The following DNAJA1 variants were observed in gnomAD, a reference collection of about 807,000 sequenced individuals.
The protein encoded by DNAJA1 is dnaJ homolog subfamily A member 1.
DNAJA1 carries 26 observed loss-of-function variants against 47.6 expected under a neutral mutation model. The ratio of observed to expected loss-of-function variants is 0.55; its 90% CI spans 0.40 to 0.76. DNAJA1 has a LOEUF of 0.76. Among genes scored for constraint, DNAJA1 ranks in the 30% least tolerant of loss-of-function variants. The pLI is 0.00. For synonymous variants in DNAJA1, 165 were observed against 158.4 expected (o/e 1.04, Z -0.31); for missense variants, 315 against 485.0 (o/e 0.65, Z 3.29).
At chr9:33,028,119 C>G (rs943623775) in intron 3 of DNAJA1, among the ~76,000 whole-genome samples, 2 of 151,884 alleles carry the variant, frequency 1.3e-5, no homozygotes, top group African/African-American at 4.8e-5. Flanking sequence ...CCCTCACTCC[C>G]CAAAGGAATT....
chr9:33,029,060 A>G (rs1838919884), intron 3 of DNAJA1, among the ~76,000 whole-genome samples: 1 of 152,202 alleles, frequency 6.6e-6, no homozygotes, highest in Non-Finnish European at 1.5e-5. Flanking sequence ...TCCTTATGAG[A>G]TCTTGACCTT....
rs1421150238 is a variant in DNAJA1, at chr9:33,039,464, G to C, written c.*561G>C. The C allele has an allele frequency of 6.6e-6, 1 of 150,748 alleles. No individual in the cohort carries two copies. Among genetic ancestry groups the C allele is most frequent in the African/African-American group, 2.4e-5 (1 of 41,054 alleles). 9.3% of individuals were successfully genotyped at this position (150,748 alleles called of 1,614,324 possible). ...ATAAAAATGATACCTTTCTGTAGGA[G>C]GGGTTTATCATAATATGCTGCTTCT... On this transcript the variant is annotated 3_prime_UTR_variant, in exon 9 of 9. Transcript: ENST00000330899.
At chr9:33,028,839 A>G (rs1028225797) in intron 3 of DNAJA1, among the ~76,000 whole-genome samples, 14 of 152,376 alleles carry the variant, frequency 9.2e-5, no homozygotes, top group Middle Eastern at 6.8e-3. Flanking sequence ...TAAAGGTGGA[A>G]CTATAAGCAG....
intron 5 of DNAJA1, among the ~76,000 whole-genome samples, chr9:33,032,754 T>C (rs1430732451): frequency 6.6e-6 from 1 of 152,228 alleles, no homozygotes; most frequent in Non-Finnish European, 1.5e-5. Flanking sequence ...ATGATACTGA[T>C]AGCGCTTTAA....
intron 4 of DNAJA1, 89 bp from the exon 5 acceptor site, chr9:33,030,351 G>T: frequency 7.9e-7 from 1 of 1,270,308 alleles, no homozygotes; most frequent in East Asian, 2.5e-5. Flanking sequence ...AATATTAAAA[G>T]TATAGCATTT....
At position 33,032,331 on chromosome 9, in the gene DNAJA1, C is replaced by T. The variant is rs905583057; in HGVS notation, c.643+1664C>T. On this transcript the variant is annotated intron_variant, in intron 5 of 8. Coordinates refer to ENST00000330899, the MANE Select transcript of DNAJA1 (RefSeq NM_001539.4). ...AAATCTGTGTTTACCCCTTAGTGGG[C>T]CCATGCCTAAGGTTTATACTTTGAG... 2.0e-5 allele frequency among the ~76,000 whole-genome samples: 3 copies of T among 152,226 alleles called. No homozygotes were observed. In the South Asian group the frequency reaches 6.2e-4, roughly 31 times the overall value.
chr9:33,031,550 G>C (rs1249986351), intron 5 of DNAJA1, among the ~76,000 whole-genome samples: 1 of 152,008 alleles, frequency 6.6e-6, no homozygotes, highest in African/African-American at 2.4e-5. Flanking sequence ...TCCTGCCCCA[G>C]CTTCCCAGGT....
chr9:33,039,694 T>A lies in DNAJA1; in HGVS notation c.*791T>A, dbSNP rs1376091600. On this transcript the variant is annotated 3_prime_UTR_variant, in exon 9 of 9. Transcript: ENST00000330899. ...ACGTGGAGAATTTGCATGCGTAATA[T>A]AGGAAGGTGTTCTTTAGGTATGTTA... 1 of 151,798 alleles carries A rather than the reference T, an allele frequency of 6.6e-6. No homozygotes were observed. Among genetic ancestry groups the A allele is most frequent in the African/African-American group, 2.4e-5 (1 of 41,362 alleles). The allele number at this position is 151,798 out of a possible 1,614,324, so 9.4% of individuals were successfully genotyped here.
At chr9:33,036,474 A>G (rs1839034314) in intron 6 of DNAJA1, 100 bp from the exon 7 acceptor site, 1 of 673,442 alleles carries the variant, frequency 1.5e-6, no homozygotes, top group African/African-American at 1.8e-5. Flanking sequence ...GTGTCTTTGT[A>G]AAAGACCCTT....
chr9:33,029,743 C>G, intron 3 of DNAJA1, 142 bp from the exon 4 acceptor site: 1 of 533,846 alleles, frequency 1.9e-6, no homozygotes, highest in East Asian at 3.3e-5. Flanking sequence ...CGTGAACATT[C>G]TGTGTATATA....
In DNAJA1 at chr9:33,034,199, T is replaced by A; in HGVS notation, c.644-17T>A. On this transcript the variant is annotated splice_polypyrimidine_tract_variant and intron_variant, in intron 5 of 8. Coordinates refer to ENST00000330899, the MANE Select transcript of DNAJA1 (RefSeq NM_001539.4). ...TGGATATTTAATAAAAGTACAAAATTAATGTTTTGTTTTTAGGCATGAAAG... is the reference window on the plus strand; with the variant it reads ...TGGATATTTAATAAAAGTACAAAATAAATGTTTTGTTTTTAGGCATGAAAG... The A allele has an allele frequency of 6.6e-7, 1 of 1,521,706 alleles. No homozygotes were observed. Among genetic ancestry groups the A allele is most frequent in the Non-Finnish European group, 8.9e-7 (1 of 1,121,328 alleles). 94.3% of individuals were successfully genotyped at this position (1,521,706 alleles called of 1,614,324 possible). A position where few individuals can be genotyped will look rare whatever the true frequency, so the allele number is the denominator to read the frequency against.
In DNAJA1 at chr9:33,027,751, G is replaced by A. The variant is rs143745226; in HGVS notation, c.310+761G>A. Among the ~76,000 whole-genome samples, 590 of 152,150 alleles carry A rather than the reference G, an allele frequency of 3.9e-3. 10 individuals are homozygous for A. Among genetic ancestry groups the A allele is most frequent in the Admixed American group, 0.034 (519 of 15,282 alleles). ...TGCAATCCCAGCTCCTCTGGAGGCT[G>A]AGGCAGGAGAATCGCTTGAACCCTG... On this transcript the variant is annotated intron_variant, in intron 3 of 8. Transcript: ENST00000330899.
chr9:33,026,905 T>A lies in DNAJA1; in HGVS notation c.225T>A (p.Gly75=), dbSNP rs758925744. 1.2e-6 allele frequency: 2 copies of A among 1,614,076 alleles called. No individual in the cohort carries two copies. Among genetic ancestry groups the A allele is most frequent in the Non-Finnish European group, 1.7e-6 (2 of 1,180,018 alleles). ...GAGGAGAACAGGCAATTAAAGAGGG[T>A]GGAGCAGGTGGCGGTTTTGGCTCCC... ...DKGGEQAIKE[G]GAGGGFGSPM... is the part of the protein sequence containing the mutation. The change falls in exon 3 of 9, where the codon GGT becomes GGA. Residue 75 remains glycine, a synonymous_variant. Coordinates refer to ENST00000330899, the MANE Select transcript of DNAJA1 (RefSeq NM_001539.4).
At position 33,039,150 on chromosome 9, in the gene DNAJA1, AT is replaced by A; in HGVS notation, c.*250del. On this transcript the variant is annotated 3_prime_UTR_variant, in exon 9 of 9. Transcript: ENST00000330899. ...AAAACTACAAAGAAGTTCCCCTAGC[AT>A]TTCTAGGCCAAACCTTGTAATTGAC... The A allele has an allele frequency of 2.1e-6, 1 of 477,696 alleles. No homozygotes were observed. Among genetic ancestry groups the A allele is most frequent in the South Asian group, 2.3e-5 (1 of 43,388 alleles). 29.6% of individuals were successfully genotyped at this position (477,696 alleles called of 1,614,324 possible). A position where few individuals can be genotyped will look rare whatever the true frequency, so the allele number is the denominator to read the frequency against.
chr9:33,033,313 G>T (rs941022694), intron 5 of DNAJA1, among the ~76,000 whole-genome samples: 1 of 152,044 alleles, frequency 6.6e-6, no homozygotes, highest in Non-Finnish European at 1.5e-5. Context: ...TGGAACTCCT[G>T]TGCTCCAGGG....
At chr9:33,026,368 G>A in intron 1 of DNAJA1, 107 bp from the exon 2 acceptor site, 1 of 1,177,690 alleles carries the variant, frequency 8.5e-7, no homozygotes, top group Non-Finnish European at 1.2e-6. Context: ...TAGGGAAGGT[G>A]GTGTTCTTAT....
chr9:33,034,090 C>A (rs955128776), intron 5 of DNAJA1, 126 bp from the exon 6 acceptor site: 3 of 626,178 alleles, frequency 4.8e-6, no homozygotes, highest in African/African-American at 3.8e-5. Flanking sequence ...GACTGAACTA[C>A]TTAAGTGGGC....
In DNAJA1 at chr9:33,038,829, C is replaced by T. The variant is rs141132012; in HGVS notation, c.1120C>T (p.Arg374Cys). ...CTTTGATCCAAATCAGGAAAGACGG[C>T]GCCACTACAATGGAGAAGCATATGA... Reference protein sequence around the residue: ...VDFDPNQERRRHYNGEAYEDD... With the variant: ...VDFDPNQERRCHYNGEAYEDD... Residue 374 changes from arginine (R) to cysteine (C), a missense_variant, in exon 9 of 9, where the codon CGC becomes TGC. Transcript: ENST00000330899. 2.7e-5 allele frequency: 43 copies of T among 1,613,952 alleles called. No homozygotes were observed. The highest frequency in any genetic ancestry group is 1.6e-4 in the Middle Eastern group (1 of 6,062).
intron 3 of DNAJA1, among the ~76,000 whole-genome samples, chr9:33,028,536 A>G (rs1450109366): frequency 6.6e-6 from 1 of 152,232 alleles, no homozygotes; most frequent in Non-Finnish European, 1.5e-5. Context: ...CTTCAAGGAA[A>G]GGATTATGTT....
Sources: gnomAD v4.1 joint callset for allele counts (sites outside exome capture counted in the v4.1 genomes callset) on GRCh38, gnomAD v4.1.1 for gene constraint, MANE v1.5 for transcripts, NCBI Gene and HGNC (gene_info 2026-07-23, HGNC 2026-07-21) for gene names.